HEATR1: variants seen among roughly 807,000 people sequenced by gnomAD.
HEATR1 encodes the protein HEAT repeat containing 1.
Under a neutral mutation model 248.2 loss-of-function variants are expected in HEATR1, and 77 were observed. The ratio of observed to expected loss-of-function variants is 0.31; its 90% CI spans 0.26 to 0.37. HEATR1 has a LOEUF of 0.37. Ranked by LOEUF, HEATR1 falls within the 10% of genes least tolerant of loss-of-function variation. HEATR1 has a pLI of 1.00. For missense variants in HEATR1, 2,420 were observed against 2,504.9 expected (o/e 0.97, Z 0.72); for synonymous variants, 897 against 923.1 (o/e 0.97, Z 0.51).
At chr1:236,565,792 A>G in intron 31 of HEATR1, 127 bp downstream of exon 31, 1 of 924,802 alleles carries the variant, frequency 1.1e-6, no homozygotes, top group East Asian at 2.6e-5. Context: ...GAAACTACAC[A>G]ATCAAATTAA....
At chr1:236,588,607 C>A (rs547071301) in intron 12 of HEATR1, among the ~76,000 whole-genome samples, 28 of 152,264 alleles carry the variant, frequency 1.8e-4, no homozygotes, top group African/African-American at 6.5e-4. Flanking sequence ...AGGATAAGGA[C>A]ATGTACTACA....
chr1:236,566,583 C>T (rs1663277274), intron 30 of HEATR1, 63 bp downstream of exon 30: 3 of 1,201,168 alleles, frequency 2.5e-6, no homozygotes, highest in Non-Finnish European at 3.6e-6. Flanking sequence ...TTAAACTGGA[C>T]AATATCATAA....
intron 32 of HEATR1, among the ~76,000 whole-genome samples, chr1:236,562,565 C>G (rs1224064586): frequency 6.6e-6 from 1 of 152,210 alleles, no homozygotes; most frequent in Non-Finnish European, 1.5e-5. Flanking sequence ...TCTGGGCCTA[C>G]TGTTCAGTCA....
intron 3 of HEATR1, among the ~76,000 whole-genome samples, chr1:236,600,181 G>GCAGTGGCA (rs1160042175): frequency 1.6e-5 from 2 of 128,482 alleles, no homozygotes; most frequent in Non-Finnish European, 3.1e-5. Context: ...AGGCTGGAGT[G>GCAGTGGCA]CAGTGGCACA....
chr1:236,598,100 C>T, intron 4 of HEATR1, 121 bp from the exon 5 acceptor site: 1 of 565,918 alleles, frequency 1.8e-6, no homozygotes. Flanking sequence ...TATAATCTCT[C>T]CTTATAACTG....
rs1250107125 is a variant in HEATR1 at position 236,595,867 on chromosome 1, G to A, written c.922C>T (p.Leu308=). The A allele has an allele frequency of 6.8e-6, 11 of 1,613,960 alleles. No homozygotes were observed. In the East Asian group the frequency reaches 1.6e-4, roughly 23 times the overall value. ...AGGCTCTCTGGCTTCTGTCTCTGCA[G>A]GAGCACTATCAAGCAACTTAACCCA... ...KDGLSCLIVL[L]QRQKPESLGK... is the part of the protein sequence containing the mutation. Residue 308 remains leucine, a synonymous_variant, in exon 7 of 45, where the codon CTG becomes TTG. Transcript: ENST00000366582.
intron 24 of HEATR1, among the ~76,000 whole-genome samples, chr1:236,573,068 T>A (rs575681714): frequency 3.9e-5 from 6 of 152,262 alleles, no homozygotes; most frequent in African/African-American, 1.4e-4. Context: ...CCAACATAAA[T>A]TCAACTTCAG....
rs780432019 is a variant in HEATR1, at chr1:236,587,558, C to A, written c.1627-68G>T. The A allele has an allele frequency of 1.8e-5, 11 of 612,278 alleles. No individual in the cohort carries two copies. The Admixed American group carries it at 3.8e-4, about 21-fold the overall frequency. The allele number at this position is 612,278 out of a possible 1,614,324, so 37.9% of individuals were successfully genotyped here. ...AAACATGTATGGCGCTTTTTAAATG[C>A]GAATTTTAAAAAGAATGAATTATAA... is the stretch of plus-strand genomic sequence containing the variant. On this transcript the variant is annotated intron_variant, in intron 13 of 44. Transcript: ENST00000366582.
At chr1:236,585,249 C>T in intron 16 of HEATR1, 33 bp from the exon 17 acceptor site, 3 of 1,550,648 alleles carry the variant, frequency 1.9e-6, no homozygotes, top group Non-Finnish European at 2.6e-6. Context: ...TTACCAGTTG[C>T]TCTTGATTTT....
At chr1:236,593,984 C>A in intron 9 of HEATR1, 28 bp downstream of exon 9, 2 of 1,432,898 alleles carry the variant, frequency 1.4e-6, no homozygotes, top group Non-Finnish European at 1.9e-6. Context: ...AAATGTAAAT[C>A]AAAAGCATGT....
chr1:236,596,478 G>A (rs369632180), intron 6 of HEATR1, among the ~76,000 whole-genome samples: 2 of 152,210 alleles, frequency 1.3e-5, no homozygotes, highest in African/African-American at 4.8e-5. Context: ...ACTTGGGAAG[G>A]AGAAACGCTG....
At chr1:236,597,032 T>G in intron 5 of HEATR1, 56 bp from the exon 6 acceptor site, 4 of 1,547,390 alleles carry the variant, frequency 2.6e-6, no homozygotes, top group Non-Finnish European at 3.5e-6. Flanking sequence ...GGTAGAAGGA[T>G]TGCTTGAGGC....
intron 5 of HEATR1, 60 bp from the exon 6 acceptor site, chr1:236,597,036 T>C (rs904026330): frequency 1.6e-5 from 24 of 1,531,344 alleles, no homozygotes; most frequent in Non-Finnish European, 2.1e-5. Context: ...GAAGGATTGC[T>C]TGAGGCCAGG....
Position 236,552,056 on chromosome 1 carries a change from C to T in HEATR1, c.6289G>A (p.Glu2097Lys). 21 of 1,613,762 alleles carry T rather than the reference C, an allele frequency of 1.3e-5. No individual in the cohort carries two copies. The highest frequency in any genetic ancestry group is 1.8e-5 in the Non-Finnish European group (21 of 1,179,868). The change falls in exon 44 of 45, where the codon GAG becomes AAG. Residue 2097 changes from glutamate (E) to lysine (K), a missense_variant. Coordinates refer to ENST00000366582, the MANE Select transcript of HEATR1 (RefSeq NM_018072.6). Reference protein sequence around the residue: ...TVLALAEKLKENYIVLLPESI... With the variant: ...TVLALAEKLKKNYIVLLPESI... ...TCTGGTAGCAAGACAATATAATTCTCCTTTAGTTTTTCAGCCAGTGCTAAC... is the reference window on the plus strand; with the variant it reads ...TCTGGTAGCAAGACAATATAATTCTTCTTTAGTTTTTCAGCCAGTGCTAAC...
chr1:236,576,141 T>G, intron 22 of HEATR1, 78 bp downstream of exon 22: 1 of 1,123,136 alleles, frequency 8.9e-7, no homozygotes, highest in Non-Finnish European at 1.2e-6. Context: ...CTTACAATTG[T>G]CTTCTTCACC....
Position 236,559,055 on chromosome 1 carries a change from G to A in HEATR1, c.4851C>T (p.Arg1617=). ...TGTTATTCAAAAGGTCCAGCGCTTT[G>A]CGGCGAACAGATGGCAGGGGATTGC... ...LVGNPLPSVR[R]KALDLLNNKL... Residue 1617 remains arginine, a synonymous_variant, in exon 35 of 45, where the codon CGC becomes CGT. Coordinates refer to ENST00000366582, the MANE Select transcript of HEATR1 (RefSeq NM_018072.6). 1 of 1,613,028 alleles carries A rather than the reference G, an allele frequency of 6.2e-7. No homozygotes were observed. The highest frequency in any genetic ancestry group is 8.5e-7 in the Non-Finnish European group (1 of 1,179,792).
At chr1:236,601,585 C>T (rs1266533341) in intron 3 of HEATR1, among the ~76,000 whole-genome samples, 4 of 151,842 alleles carry the variant, frequency 2.6e-5, no homozygotes, top group South Asian at 2.1e-4. Context: ...GCAGGAGGAT[C>T]GCTTGAGGCC....
At chr1:236,589,531 A>G (rs138428715) in intron 12 of HEATR1, among the ~76,000 whole-genome samples, 1 of 152,336 alleles carries the variant, frequency 6.6e-6, no homozygotes, top group East Asian at 1.9e-4. Context: ...AAATACTAAA[A>G]ACTCTATAAA....
In HEATR1 at chr1:236,566,877, C is replaced by G; in HGVS notation, c.4078-1G>C. On this transcript the variant is annotated splice_acceptor_variant, in intron 29 of 44. Coordinates refer to ENST00000366582, the MANE Select transcript of HEATR1 (RefSeq NM_018072.6). LOFTEE classifies it high-confidence loss of function. ...CTTCTATAGAATCTCCACTATCAGA[C>G]TGCAAAACAGCAAGCAGAGACAATG... 6.2e-7 allele frequency: 1 copy of G among 1,601,744 alleles called. No homozygotes were observed. Among genetic ancestry groups the G allele is most frequent in the Non-Finnish European group, 8.6e-7 (1 of 1,168,882 alleles).
Sources: allele counts gnomAD v4.1 joint callset (sites outside exome capture counted in the v4.1 genomes callset), GRCh38; gene constraint gnomAD v4.1.1; transcripts MANE v1.5; gene names NCBI Gene and HGNC (gene_info 2026-07-23, HGNC 2026-07-21).